SUMF1: variants seen among roughly 807,000 people sequenced by gnomAD.
SUMF1 encodes the protein sulfatase modifying factor 1, also known as formylglycine-generating enzyme.
A neutral mutation model predicts 47.6 loss-of-function variants in SUMF1; 48 were observed. The observed-to-expected ratio is 1.01, with a 90% CI of 0.80 to 1.28. The LOEUF (loss-of-function observed/expected upper bound fraction) is 1.28, where lower values mean the gene tolerates loss of function less well. Ranked by LOEUF, SUMF1 falls within the 50% of genes most tolerant of loss-of-function variation. SUMF1 has a pLI of 0.00. For missense variants in SUMF1, 571 were observed against 485.4 expected, an observed-to-expected ratio of 1.18 and a Z score of -1.66; for synonymous variants, 230 against 192.1, an observed-to-expected ratio of 1.20 and a Z score of -1.63.
At chr3:4,384,150 T>A (rs1026676625) in intron 7 of SUMF1, among the ~76,000 whole-genome samples, 1 of 152,202 alleles carries the variant, frequency 6.6e-6, no homozygotes, top group Admixed American at 6.5e-5. Context: ...TTCCAGTCCC[T>A]TTCAGTCTAG....
Position 4,166,775 on chromosome 3 carries a change from G to A in SUMF1, c.1015-98030C>T, listed in dbSNP as rs369712085. On this transcript the variant is annotated intron_variant and NMD_transcript_variant, in intron 8 of 12. Transcript: ENST00000448413. ...GCCAACCAACTTTTTTTCGGGACCC[G>A]AGAGCTGAATGGCTTCCCTCTCTGT... 2.7e-4 allele frequency among the ~76,000 whole-genome samples: 41 copies of A among 152,128 alleles called. No homozygotes were observed. In the East Asian group the frequency reaches 5.6e-3, roughly 21 times the overall value.
At chr3:4,250,579 A>G (rs925616420) in intron 8 of SUMF1, among the ~76,000 whole-genome samples, 4 of 152,186 alleles carry the variant, frequency 2.6e-5, no homozygotes, top group African/African-American at 9.6e-5. Context: ...GTATTTTCAT[A>G]GCTAGAGAGG....
chr3:4,311,649 T>C (rs1246518570), intron 8 of SUMF1, among the ~76,000 whole-genome samples: 1 of 152,248 alleles, frequency 6.6e-6, no homozygotes, highest in Non-Finnish European at 1.5e-5. Context: ...CTTCTCTGAA[T>C]TGGCAGCTCT....
intron 8 of SUMF1, among the ~76,000 whole-genome samples, chr3:4,216,115 G>T (rs530067643): frequency 2.6e-5 from 4 of 152,260 alleles, no homozygotes; most frequent in Admixed American, 1.3e-4. Context: ...AAAGCTGGAG[G>T]CATCATGTTG....
At chr3:4,164,292 T>C (rs1225748755) in intron 8 of SUMF1, among the ~76,000 whole-genome samples, 2 of 152,136 alleles carry the variant, frequency 1.3e-5, no homozygotes, top group Non-Finnish European at 2.9e-5. Flanking sequence ...GAGAAGGCCA[T>C]GCCAGTGTCC....
At chr3:4,252,902 G>A (rs561352540) in intron 8 of SUMF1, among the ~76,000 whole-genome samples, 1 of 152,142 alleles carries the variant, frequency 6.6e-6, no homozygotes, top group African/African-American at 2.4e-5. Context: ...ATGTGATCCT[G>A]GTGTATTCGT....
intron 8 of SUMF1, among the ~76,000 whole-genome samples, chr3:4,352,731 TAAAAAAAA>T (rs34628235): frequency 1.8e-5 from 2 of 108,240 alleles, no homozygotes; most frequent in Admixed American, 1.0e-4. Flanking sequence ...TTGCTGCGTG[TAAAAAAAA>T]AAAAAAAAAA....
chr3:4,167,143 G>A lies in SUMF1; in HGVS notation c.1015-98398C>T, dbSNP rs147407013. 2.2e-3 allele frequency among the ~76,000 whole-genome samples: 335 copies of A among 152,122 alleles called. 2 individuals are homozygous for A. Among genetic ancestry groups the A allele is most frequent in the African/African-American group, 6.9e-3 (285 of 41,474 alleles). On this transcript the variant is annotated intron_variant and NMD_transcript_variant, in intron 8 of 12. Transcript: ENST00000448413. ...CACTAACTTCAAGAATGAAGCCACG[G>A]GCCTCTGTGGTGAGTGTTACAGCTC...
At chr3:4,322,639 G>A (rs1471767849) in intron 8 of SUMF1, among the ~76,000 whole-genome samples, 1 of 150,958 alleles carries the variant, frequency 6.6e-6, no homozygotes, top group Non-Finnish European at 1.5e-5. Context: ...CAGCCTGGGT[G>A]AAAGAGGGAG....
intron 8 of SUMF1, among the ~76,000 whole-genome samples, chr3:4,291,659 T>C (rs926926498): frequency 1.3e-5 from 2 of 152,150 alleles, no homozygotes; most frequent in African/African-American, 4.8e-5. Context: ...TGGCAGAAAA[T>C]GGGTTCTTTA....
At position 4,077,727 on chromosome 3, in the gene SUMF1, G is replaced by A. The variant is rs187831462; in HGVS notation, c.1015-8982C>T. 6.2e-3 allele frequency among the ~76,000 whole-genome samples: 938 copies of A among 151,980 alleles called. 33 individuals carry two copies. The highest frequency in any genetic ancestry group is 0.054 in the Admixed American group (819 of 15,268). On this transcript the variant is annotated intron_variant and NMD_transcript_variant, in intron 8 of 12. Coordinates refer to the SUMF1 transcript ENST00000448413. ...TGTAAATGTCGAGTTCATGGGTGCC[G>A]CAAACCAACATGGCACATGTACACA...
At chr3:4,174,828 T>A (rs538649373) in intron 8 of SUMF1, among the ~76,000 whole-genome samples, 1 of 152,142 alleles carries the variant, frequency 6.6e-6, no homozygotes, top group Non-Finnish European at 1.5e-5. Flanking sequence ...ACACTCCCAC[T>A]CAAATACTGT....
intron 8 of SUMF1, among the ~76,000 whole-genome samples, chr3:4,118,927 G>C (rs752828622): frequency 8.5e-5 from 13 of 152,080 alleles, no homozygotes; most frequent in Non-Finnish European, 1.6e-4. Flanking sequence ...CAATCTGTAA[G>C]TCAATAATTG....
intron 8 of SUMF1, among the ~76,000 whole-genome samples, chr3:4,179,333 C>T (rs1024261265): frequency 2.0e-5 from 3 of 152,128 alleles, no homozygotes; most frequent in African/African-American, 7.2e-5. Context: ...GGTACCAAAA[C>T]AGAGATATAG....
chr3:4,304,082 C>T (rs13099918), intron 8 of SUMF1: 60,625 of 189,724 alleles, frequency 0.32, 11,669 homozygotes, highest in Non-Finnish European at 0.42. Flanking sequence ...ATACACTTTC[C>T]GGTTTGCTGT....
chr3:4,268,930 G>A (rs1451551757), intron 8 of SUMF1, among the ~76,000 whole-genome samples: 2 of 151,990 alleles, frequency 1.3e-5, no homozygotes, highest in African/African-American at 4.8e-5. Context: ...TTTCACTTAA[G>A]TTGCAAATCA....
chr3:4,451,693 T>C (rs189422161), intron 2 of SUMF1, among the ~76,000 whole-genome samples: 32 of 152,290 alleles, frequency 2.1e-4, no homozygotes, highest in African/African-American at 6.5e-4. Context: ...AACGGTTTTT[T>C]TGTTTTTGTT....
chr3:4,274,736 T>C (rs150554490), intron 8 of SUMF1, among the ~76,000 whole-genome samples: 80 of 152,206 alleles, frequency 5.3e-4, no homozygotes, highest in Middle Eastern at 3.4e-3. Context: ...ATAAAAAGCT[T>C]CTCTCTGGTC....
At chr3:4,335,651 A>T (rs1699131688) in intron 8 of SUMF1, among the ~76,000 whole-genome samples, 1 of 152,098 alleles carries the variant, frequency 6.6e-6, no homozygotes, top group Non-Finnish European at 1.5e-5. Flanking sequence ...AGAAATAAAA[A>T]TAGCCCCAGC....
Sources: allele counts gnomAD v4.1 joint callset (sites outside exome capture counted in the v4.1 genomes callset), GRCh38; gene constraint gnomAD v4.1.1; transcripts MANE v1.5; gene names NCBI Gene and HGNC (gene_info 2026-07-23, HGNC 2026-07-21).